The following CMTR1 variants were observed in gnomAD, a reference collection of about 807,000 sequenced individuals.
CMTR1 encodes the protein cap methyltransferase 1.
A neutral mutation model predicts 107.0 loss-of-function variants in CMTR1; 39 were observed. The ratio of observed to expected loss-of-function variants is 0.36; its 90% CI spans 0.28 to 0.48. The LOEUF is 0.48. Among genes scored for constraint, CMTR1 ranks in the 20% least tolerant of loss-of-function variants. The pLI is 0.99. For missense variants in CMTR1, 672 were observed against 1,064.9 expected, an observed-to-expected ratio of 0.63 and a Z score of 5.14; for synonymous variants, 366 against 379.5, an observed-to-expected ratio of 0.96 and a Z score of 0.41.
chr6:37,445,175 CTT>C (rs1158893480), intron 3 of CMTR1, among the ~76,000 whole-genome samples: 1 of 152,194 alleles, frequency 6.6e-6, no homozygotes, highest in African/African-American at 2.4e-5. Context: ...GATGGGAAGG[CTT>C]GTGACTCAGT....
intron 4 of CMTR1, among the ~76,000 whole-genome samples, chr6:37,447,301 C>G (rs1771817824): frequency 6.6e-6 from 1 of 152,118 alleles, no homozygotes; most frequent in African/African-American, 2.4e-5. Context: ...GTGATAAAAG[C>G]CTAATAAGTC....
upstream of CMTR1, among the ~76,000 whole-genome samples, chr6:37,430,423 TAA>T (rs1554196851): frequency 6.6e-6 from 1 of 151,914 alleles, no homozygotes; most frequent in African/African-American, 2.4e-5. Context: ...TATATATATA[TAA>T]GAGATAAGTC....
In CMTR1 at chr6:37,471,869, G is replaced by T; in HGVS notation, c.1585G>T (p.Ala529Ser). ...QDTTLSEPRQ[A>S]EIRKECLRLW... ...CAGGACACTGAGTGAGCCTCGACAG[G>T]CAGAGATACGGAAGGAGTGCCTCCG... Residue 529 changes from alanine (A) to serine (S), a missense_variant, in exon 15 of 24, where the codon GCA becomes TCA. Around this residue, in one of 2 missense-constraint regions of CMTR1, gnomAD observed 583 missense variants for 968.4 expected, o/e 0.60. Transcript: ENST00000373451. 6.2e-7 allele frequency: 1 copy of T among 1,613,862 alleles called. No individual in the cohort carries two copies. Among genetic ancestry groups the T allele is most frequent in the Non-Finnish European group, 8.5e-7 (1 of 1,179,960 alleles).
chr6:37,428,141 G>A, the CMTR1 span, among the ~76,000 whole-genome samples: 33 of 152,176 alleles, frequency 2.2e-4, no homozygotes. Flanking sequence ...AATAATGTGT[G>A]TATTCAGACA....
intron 6 of CMTR1, 98 bp from the exon 7 acceptor site, chr6:37,452,948 GA>G: frequency 1.0e-6 from 1 of 1,004,918 alleles, no homozygotes; most frequent in East Asian, 2.4e-5. Context: ...GATGCCACAG[GA>G]ATCTTGTTCC....
intron 13 of CMTR1, 126 bp from the exon 14 acceptor site, chr6:37,470,895 T>C: frequency 3.0e-6 from 2 of 677,726 alleles, no homozygotes; most frequent in Non-Finnish European, 4.7e-6. Flanking sequence ...GTGGGTTTCT[T>C]TCTCAACTCT....
chr6:37,447,715 G>C (rs2113869801), intron 4 of CMTR1, among the ~76,000 whole-genome samples: 1 of 151,914 alleles, frequency 6.6e-6, no homozygotes, highest in East Asian at 1.9e-4. Context: ...ACAAAAACTA[G>C]CCAGGTGTGG....
At chr6:37,465,045 G>A (rs1057456515) in intron 13 of CMTR1, among the ~76,000 whole-genome samples, 2 of 150,750 alleles carry the variant, frequency 1.3e-5, no homozygotes, top group Admixed American at 6.6e-5. Flanking sequence ...AAGGCGGGTG[G>A]ATCACCTGAG....
At chr6:37,473,378 C>G in intron 16 of CMTR1, 92 bp from the exon 17 acceptor site, 2 of 1,418,876 alleles carry the variant, frequency 1.4e-6, no homozygotes, top group African/African-American at 1.4e-5. Context: ...CTTCCTGTCC[C>G]TTGCCTTGTC....
In CMTR1 at chr6:37,477,059, G is replaced by C. The variant is rs376873826; in HGVS notation, c.2106-533G>C. 7.2e-5 allele frequency among the ~76,000 whole-genome samples: 11 copies of C among 152,296 alleles called. No individual in the cohort carries two copies. In the South Asian group the frequency reaches 8.3e-4, roughly 11 times the overall value. Reference sequence around the variant, plus strand: ...AACGTTCCCCACTAGCAGTTCCAAAGACATGTTCAGGGCCCCCAAGAGCTG... The same window carrying C: ...AACGTTCCCCACTAGCAGTTCCAAACACATGTTCAGGGCCCCCAAGAGCTG... On this transcript the variant is annotated intron_variant, in intron 20 of 23. Coordinates refer to ENST00000373451, the MANE Select transcript of CMTR1 (RefSeq NM_015050.3).
In CMTR1 at chr6:37,473,578, C is replaced by G. The variant is rs1481134575; in HGVS notation, c.1798C>G (p.Gln600Glu). 2 of 1,614,026 alleles carry G rather than the reference C, an allele frequency of 1.2e-6. No homozygotes were observed. The highest frequency in any genetic ancestry group is 2.2e-5 in the South Asian group (2 of 91,062). Residue 600 changes from glutamine (Q) to glutamate (E), a missense_variant, in exon 17 of 24, where the codon CAG becomes GAG. Around this residue, in one of 2 missense-constraint regions of CMTR1, gnomAD observed 583 missense variants for 968.4 expected, o/e 0.60. Coordinates refer to ENST00000373451, the MANE Select transcript of CMTR1 (RefSeq NM_015050.3). ...DYRCMVSGSE[Q>E]KFLIGLGKSQ... ...CCGCTGCATGGTATCTGGCAGTGAG[C>G]AGAAGTTCCTCATCGGCCTGGGGGT...
chr6:37,435,689 T>C lies in CMTR1; in HGVS notation c.60T>C (p.Val20=). 1 of 1,603,346 alleles carries C rather than the reference T, an allele frequency of 6.2e-7. No individual in the cohort carries two copies. Among genetic ancestry groups the C allele is most frequent in the Non-Finnish European group, 8.5e-7 (1 of 1,175,908 alleles). ...CCATCAAGAAACAGAAAAAAAGAGT[T>C]GCAGAGCTTGCCCTGAGCCTCAGCT... ...TAPIKKQKKR[V]AELALSLSST... is the part of the protein sequence containing the mutation. Residue 20 remains valine (V), a synonymous_variant, in exon 2 of 24, where the codon GTT becomes GTC. Transcript: ENST00000373451.
chr6:37,446,002 T>C (rs1771785926), intron 3 of CMTR1, among the ~76,000 whole-genome samples: 1 of 152,182 alleles, frequency 6.6e-6, no homozygotes, highest in African/African-American at 2.4e-5. Flanking sequence ...AAATGTCCAA[T>C]GAGAGATTCA....
In CMTR1 at chr6:37,471,920, G is replaced by A. The variant is rs376107485; in HGVS notation, c.1620+16G>A. The A allele has an allele frequency of 1.7e-5, 27 of 1,608,618 alleles. 1 individual carries two copies. In the South Asian group the frequency reaches 2.0e-4, roughly 12 times the overall value. On this transcript the variant is annotated intron_variant, in intron 15 of 23. Transcript: ENST00000373451. ...ACTCTGGGGGGTGAGTATCTCCCCC[G>A]CCCATTGCTGCTTCAGGGCAGGGAA...
chr6:37,450,165 G>A, intron 4 of CMTR1, 86 bp from the exon 5 acceptor site: 1 of 1,157,268 alleles, frequency 8.6e-7, no homozygotes, highest in Non-Finnish European at 1.3e-6. Context: ...AGTCCCTTTT[G>A]ATTGTTTTGG....
Position 37,462,824 on chromosome 6 carries a change from G to A in CMTR1, c.1326-5G>A. The A allele has an allele frequency of 1.2e-6, 2 of 1,611,826 alleles. No homozygotes were observed. The highest frequency in any genetic ancestry group is 2.2e-4 in the Middle Eastern group (1 of 4,648). On this transcript the variant is annotated splice_region_variant and splice_polypyrimidine_tract_variant and intron_variant, in intron 12 of 23. Coordinates refer to ENST00000373451, the MANE Select transcript of CMTR1 (RefSeq NM_015050.3). ...TCGGTGGAGTGACAGAGTATCTTCT[G>A]CCAGGTATGTGGTGTGCAAGGGCCT...
intron 20 of CMTR1, 108 bp downstream of exon 20, chr6:37,476,302 T>TA (rs1761735835): frequency 2.6e-6 from 3 of 1,139,580 alleles, no homozygotes; most frequent in South Asian, 1.3e-5. Context: ...AAGTGGGTGT[T>TA]AGAGACAAGA....
intron 3 of CMTR1, among the ~76,000 whole-genome samples, chr6:37,445,316 G>GT (rs942907467): frequency 1.1e-4 from 16 of 151,822 alleles, no homozygotes; most frequent in African/African-American, 2.4e-4. Flanking sequence ...TAGGATTGCA[G>GT]TTTTTTTTGT....
Position 37,481,039 on chromosome 6 carries a change from C to A in CMTR1, c.*894C>A. 7.7e-7 allele frequency: 1 copy of A among 1,304,198 alleles called. No homozygotes were observed. The highest frequency in any genetic ancestry group is 1.2e-5 in the South Asian group (1 of 81,024). The allele number at this position is 1,304,198 out of a possible 1,614,324, so 80.8% of individuals were successfully genotyped here. ...AGTCATGCACCGCTGTCTGCCATAG[C>A]CGCTCTAGGGTCTTGGCAGAATTCT... On this transcript the variant is annotated 3_prime_UTR_variant, in exon 24 of 24. Transcript: ENST00000373451.
Sources: allele counts gnomAD v4.1 joint callset (sites outside exome capture counted in the v4.1 genomes callset), GRCh38; gene constraint gnomAD v4.1.1; regional missense constraint gnomAD v4.1.1; transcripts MANE v1.5; gene names NCBI Gene and HGNC (gene_info 2026-07-23, HGNC 2026-07-21).